Variants in EBF1 observed in about 807,000 individuals in gnomAD.
The protein encoded by EBF1 is transcription factor COE1.
In EBF1, 10 loss-of-function variants were observed where a neutral mutation model predicts 68.4. The ratio of observed to expected loss-of-function variants is 0.15; its 90% CI spans 0.09 to 0.25. EBF1 has a LOEUF of 0.25. Ranked by LOEUF, EBF1 falls within the 10% of genes least tolerant of loss-of-function variation. EBF1 has a pLI of 1.00. For synonymous variants in EBF1, 298 were observed against 299.8 expected, an observed-to-expected ratio of 0.99 and a Z score of 0.06; for missense variants, 509 against 794.4, an observed-to-expected ratio of 0.64 and a Z score of 4.32.
chr5:159,042,074 G>A (rs987757641), intron 6 of EBF1, among the ~76,000 whole-genome samples: 7 of 152,200 alleles, frequency 4.6e-5, no homozygotes, highest in Admixed American at 1.3e-4. Context: ...CAAAACTGCT[G>A]TGTAATTGGA....
intron 6 of EBF1, among the ~76,000 whole-genome samples, chr5:158,841,307 T>C (rs116679244): frequency 0.018 from 2,758 of 152,220 alleles, 47 homozygotes; most frequent in Non-Finnish European, 0.029. Flanking sequence ...CTACTAAAAG[T>C]GTCATATTGG....
intron 4 of EBF1, among the ~76,000 whole-genome samples, chr5:159,088,763 G>T (rs1450076840): frequency 2.6e-5 from 4 of 152,114 alleles, no homozygotes; most frequent in African/African-American, 9.7e-5. Context: ...GTGTTTATCT[G>T]AAGTGAAGAT....
intron 6 of EBF1, among the ~76,000 whole-genome samples, chr5:159,006,954 A>G (rs568052466): frequency 6.6e-6 from 1 of 152,292 alleles, no homozygotes; most frequent in Non-Finnish European, 1.5e-5. Flanking sequence ...TTACTTCTCA[A>G]AAGAATGTCA....
At chr5:158,754,399 C>T (rs142244438) in intron 10 of EBF1, among the ~76,000 whole-genome samples, 114 of 152,240 alleles carry the variant, frequency 7.5e-4, no homozygotes, top group Non-Finnish European at 1.1e-3. Context: ...CATTCACAAA[C>T]ATCTCAGTCC....
At chr5:158,866,833 GTATATATATATATATATATATATATATA>G (rs70987938) in intron 6 of EBF1, among the ~76,000 whole-genome samples, 9,595 of 92,942 alleles carry the variant, frequency 0.1, 599 homozygotes, top group Admixed American at 0.14. Flanking sequence ...ATATGTATAT[GTATATATATATATATATATATATATATA>G]TATATATATA....
intron 10 of EBF1, among the ~76,000 whole-genome samples, chr5:158,735,832 C>T (rs375681238): frequency 6.6e-6 from 1 of 152,198 alleles, no homozygotes; most frequent in Non-Finnish European, 1.5e-5. Context: ...CTATTCCAAC[C>T]GATCTCTCAG....
intron 8 of EBF1, among the ~76,000 whole-genome samples, chr5:158,805,038 T>C (rs982292387): frequency 1.3e-5 from 2 of 152,146 alleles, no homozygotes; most frequent in African/African-American, 4.8e-5. Context: ...AGGAGAACTT[T>C]TATGCACAAA....
intron 6 of EBF1, among the ~76,000 whole-genome samples, chr5:159,064,592 GT>G (rs1776433933): frequency 6.6e-6 from 1 of 152,138 alleles, no homozygotes. Context: ...GTGATCAGGG[GT>G]TTTGCTTGCT....
intron 10 of EBF1, among the ~76,000 whole-genome samples, chr5:158,760,669 T>A (rs1234392460): frequency 6.6e-6 from 1 of 152,162 alleles, no homozygotes; most frequent in Non-Finnish European, 1.5e-5. Context: ...ATGCTGTTCT[T>A]TCTTTCAGAG....
chr5:159,066,682 G>A (rs977389975), intron 6 of EBF1, among the ~76,000 whole-genome samples: 2 of 151,492 alleles, frequency 1.3e-5, no homozygotes, highest in African/African-American at 2.4e-5. Context: ...CAGGATTAGG[G>A]CAATTAAAAT....
At chr5:158,957,927 G>T (rs1817463081) in intron 6 of EBF1, among the ~76,000 whole-genome samples, 1 of 151,974 alleles carries the variant, frequency 6.6e-6, no homozygotes, top group Non-Finnish European at 1.5e-5. Flanking sequence ...TCTTTTTGTG[G>T]GAATATCTTT....
chr5:158,867,149 T>C (rs1429568849), intron 6 of EBF1, among the ~76,000 whole-genome samples: 7 of 151,958 alleles, frequency 4.6e-5, no homozygotes, highest in Non-Finnish European at 8.8e-5. Flanking sequence ...CCTGGCCAGG[T>C]TTCAGGATAG....
At chr5:158,816,967 T>G (rs1373630650) in intron 8 of EBF1, among the ~76,000 whole-genome samples, 1 of 151,604 alleles carries the variant, frequency 6.6e-6, no homozygotes, top group Non-Finnish European at 1.5e-5. Context: ...CTGAGCAAAC[T>G]TGCCCTGGGC....
chr5:158,799,427 A>G (rs887539970), intron 8 of EBF1, among the ~76,000 whole-genome samples: 5 of 110,042 alleles, frequency 4.5e-5, no homozygotes, highest in Admixed American at 8.4e-5. Flanking sequence ...AAATAAATAA[A>G]TAAATTAATT....
rs371450465 is a variant in EBF1, at chr5:158,767,699, GAAA to G, written c.1036+9711_1036+9713del. Among the ~76,000 whole-genome samples the G allele has an allele frequency of 9.1e-4, 138 of 151,504 alleles. No homozygotes were observed. The Middle Eastern group carries it at 0.01, about 11-fold the overall frequency. ...CTGGGAGAAAAGATAGAGTTAGGGT[GAAA>G]AAAAAGGTGTGGAATAGGAGAGAAC... is the stretch of plus-strand genomic sequence containing the variant. On this transcript the variant is annotated intron_variant, in intron 10 of 15. Transcript: ENST00000313708.
intron 6 of EBF1, among the ~76,000 whole-genome samples, chr5:159,034,202 T>A (rs1483675172): frequency 6.6e-6 from 1 of 152,140 alleles, no homozygotes; most frequent in Admixed American, 6.5e-5. Context: ...GGCCCTAAAA[T>A]GCAAGAAGGG....
chr5:158,979,804 C>G (rs11745535), intron 6 of EBF1, among the ~76,000 whole-genome samples: 3,503 of 152,020 alleles, frequency 0.023, 54 homozygotes, highest in East Asian at 0.048. Flanking sequence ...GCAGTAATAA[C>G]GCTAATCAAA....
At chr5:158,806,870 C>G (rs1015009309) in intron 8 of EBF1, among the ~76,000 whole-genome samples, 1 of 152,162 alleles carries the variant, frequency 6.6e-6, no homozygotes, top group Admixed American at 6.6e-5. Flanking sequence ...ATGAGGACAG[C>G]TGACTGGATG....
chr5:158,875,334 C>T (rs1359174115), intron 6 of EBF1, among the ~76,000 whole-genome samples: 1 of 152,080 alleles, frequency 6.6e-6, no homozygotes, highest in Non-Finnish European at 1.5e-5. Context: ...ATTTTTTTAA[C>T]CTTTCCAAAT....
Sources: allele counts gnomAD v4.1 joint callset (sites outside exome capture counted in the v4.1 genomes callset), GRCh38; gene constraint gnomAD v4.1.1; transcripts MANE v1.5; gene names NCBI Gene and HGNC (gene_info 2026-07-23, HGNC 2026-07-21).